Variants in KIAA0586 observed in about 807,000 individuals in gnomAD.
The protein encoded by KIAA0586 is protein TALPID3.
KIAA0586 carries 144 observed loss-of-function variants against 169.8 expected under a neutral mutation model. The observed-to-expected ratio is 0.85, with a 90% CI of 0.74 to 0.97. KIAA0586 has a LOEUF of 0.97. KIAA0586 is among the 50% of genes least tolerant of loss of function. The probability of loss-of-function intolerance (pLI) is 0.00; values close to 1 mark genes in which losing one functional copy is unlikely to be tolerated. For synonymous variants in KIAA0586, 625 were observed against 612.4 expected, an observed-to-expected ratio of 1.02 and a Z score of -0.30; for missense variants, 1,854 against 1,823.0, an observed-to-expected ratio of 1.02 and a Z score of -0.31.
intron 27 of KIAA0586, among the ~76,000 whole-genome samples, chr14:58,504,937 TC>T (rs1361108603): frequency 6.6e-6 from 1 of 152,194 alleles, no homozygotes; most frequent in Admixed American, 6.5e-5. Flanking sequence ...TACTCTCATA[TC>T]CCTGTCACCT....
At chr14:58,521,817 A>G (rs920743539) in intron 29 of KIAA0586, 148 of 830,758 alleles carry the variant, frequency 1.8e-4, no homozygotes, top group Admixed American at 1.0e-4. Flanking sequence ...AGATGAGACT[A>G]ATGTGAAGGT....
At chr14:58,557,901 CTTTTTTTTT>C in the KIAA0586 span, among the ~76,000 whole-genome samples, 364 of 42,528 alleles carry the variant, frequency 8.6e-3, 12 homozygotes, top group Middle Eastern at 0.087. Flanking sequence ...CCTGAGAAAT[CTTTTTTTTT>C]TTTTTTTTTT....
At chr14:58,493,492 A>G (rs1288937100) in intron 26 of KIAA0586, among the ~76,000 whole-genome samples, 1 of 152,182 alleles carries the variant, frequency 6.6e-6, no homozygotes, top group Non-Finnish European at 1.5e-5. Flanking sequence ...TTGTCTTCGC[A>G]TGAACAAATG....
At chr14:58,430,787 A>T in intron 3 of KIAA0586, 70 bp downstream of exon 3, 2 of 841,868 alleles carry the variant, frequency 2.4e-6, no homozygotes, top group Non-Finnish European at 1.9e-6. Flanking sequence ...CTACTTTAAA[A>T]TGTACAGTTC....
At chr14:58,459,715 T>A (rs937231106) in intron 12 of KIAA0586, 128 bp from the exon 13 acceptor site, 3 of 492,978 alleles carry the variant, frequency 6.1e-6, no homozygotes, top group Non-Finnish European at 1.0e-5. Flanking sequence ...ATATCCTTTA[T>A]TTTTAATGCA....
Position 58,506,174 on chromosome 14 carries a change from T to G in KIAA0586, c.4169-2381T>G, listed in dbSNP as rs72718740. ...TCTTTTCTCTTAATTCATTTGCCAC[T>G]CTTAGAAAAATGTTGAACAAGTCAC... On this transcript the variant is annotated intron_variant, in intron 27 of 30. Coordinates refer to ENST00000652326, the MANE Select transcript of KIAA0586 (RefSeq NM_001329943.3). Among the ~76,000 whole-genome samples the G allele has an allele frequency of 5.6e-3, 847 of 152,220 alleles. 4 individuals are homozygous for G. The highest frequency in any genetic ancestry group is 9.6e-3 in the Non-Finnish European group (656 of 68,004).
intron 29 of KIAA0586, among the ~76,000 whole-genome samples, chr14:58,517,678 T>C (rs375404462): frequency 2.0e-5 from 3 of 152,204 alleles, no homozygotes; most frequent in Non-Finnish European, 4.4e-5. Context: ...CTCAAAACTT[T>C]TTTAGCAGTT....
chr14:58,428,366 T>C lies in KIAA0586; in HGVS notation c.102T>C (p.Val34=). The C allele has an allele frequency of 1.2e-6, 2 of 1,614,002 alleles. No homozygotes were observed. The highest frequency in any genetic ancestry group is 8.5e-7 in the Non-Finnish European group (1 of 1,179,884). Residue 34 remains valine, a synonymous_variant, in exon 1 of 31, where the codon GTT becomes GTC. Coordinates refer to ENST00000652326, the MANE Select transcript of KIAA0586 (RefSeq NM_001329943.3). ...VVSQNHGDHL[V]LLKDELPCVP... Reference sequence around the variant, plus strand: ...CTCAAAATCATGGAGATCATTTGGTTTTGCTGAAAGATGAGTTGCCCTGTG... The same window carrying C: ...CTCAAAATCATGGAGATCATTTGGTCTTGCTGAAAGATGAGTTGCCCTGTG...
chr14:58,447,515 C>A (rs1179542823), intron 6 of KIAA0586, among the ~76,000 whole-genome samples: 1 of 150,628 alleles, frequency 6.6e-6, no homozygotes, highest in African/African-American at 2.5e-5. Context: ...GAGTCCTGCT[C>A]TGTCACCCAG....
intron 6 of KIAA0586, among the ~76,000 whole-genome samples, chr14:58,446,888 A>G (rs1247157280): frequency 1.3e-5 from 2 of 152,052 alleles, no homozygotes; most frequent in Non-Finnish European, 2.9e-5. Context: ...TTAAGCCTCA[A>G]TTTCTTTACC....
chr14:58,457,430 G>C (rs1056850029), intron 10 of KIAA0586, among the ~76,000 whole-genome samples: 1 of 152,042 alleles, frequency 6.6e-6, no homozygotes, highest in Admixed American at 6.6e-5. Flanking sequence ...ACCACACCTG[G>C]CTAATTTTTG....
chr14:58,551,382 G>A (rs1177041935), downstream of KIAA0586: 1 of 151,858 alleles, frequency 6.6e-6, no homozygotes, highest in African/African-American at 2.4e-5. Context: ...ATCTTTTATT[G>A]TTTTTCTATT....
Position 58,428,360 on chromosome 14 carries a change from T to C in KIAA0586, c.96T>C (p.His32=). The stretch of plus-strand genomic sequence containing the variant: ...TAGTTTCTCAAAATCATGGAGATCA[T>C]TTGGTTTTGCTGAAAGATGAGTTGC... ...REVVSQNHGD[H]LVLLKDELPC... is the part of the protein sequence containing the mutation. Residue 32 remains histidine (H), a synonymous_variant, in exon 1 of 31, where the codon CAT becomes CAC. Transcript: ENST00000652326. 1 of 1,613,920 alleles carries C rather than the reference T, an allele frequency of 6.2e-7. No homozygotes were observed. Among genetic ancestry groups the C allele is most frequent in the Non-Finnish European group, 8.5e-7 (1 of 1,179,834 alleles).
In KIAA0586 at chr14:58,480,880, C is replaced by G. The variant is rs144813353; in HGVS notation, c.2945-1633C>G. 5.9e-5 allele frequency among the ~76,000 whole-genome samples: 9 copies of G among 152,222 alleles called. No homozygotes were observed. The East Asian group carries it at 1.7e-3, about 29-fold the overall frequency. ...AACAAATTTATGAGAAAATTTTTTT[C>G]CTGGTGAAAATCTGACATTTTACAA... On this transcript the variant is annotated intron_variant, in intron 20 of 30. Coordinates refer to ENST00000652326, the MANE Select transcript of KIAA0586 (RefSeq NM_001329943.3).
chr14:58,544,342 G>A (rs1194486063), intron 30 of KIAA0586, among the ~76,000 whole-genome samples: 2 of 152,212 alleles, frequency 1.3e-5, no homozygotes, highest in East Asian at 1.9e-4. Context: ...GCATATATGT[G>A]TCTTTATGGT....
In KIAA0586 at chr14:58,525,800, A is replaced by G. The variant is rs1376538104; in HGVS notation, c.4429+13173A>G. Among the ~76,000 whole-genome samples the G allele has an allele frequency of 2.0e-5, 3 of 152,200 alleles. No homozygotes were observed. The East Asian group carries it at 5.8e-4, about 29-fold the overall frequency. On this transcript the variant is annotated intron_variant, in intron 29 of 30. Coordinates refer to ENST00000652326, the MANE Select transcript of KIAA0586 (RefSeq NM_001329943.3). Reference sequence around the variant, plus strand: ...CACTGCCACGGAACCCAGCAAGGTAAAGATCCACTGGCTTCAGATTCTCAC... The same window carrying G: ...CACTGCCACGGAACCCAGCAAGGTAGAGATCCACTGGCTTCAGATTCTCAC...
chr14:58,471,010 C>G (rs994284144), intron 17 of KIAA0586, among the ~76,000 whole-genome samples: 2 of 152,058 alleles, frequency 1.3e-5, no homozygotes, highest in Admixed American at 6.6e-5. Flanking sequence ...TGCCACCACG[C>G]CCGGCTAATT....
intron 4 of KIAA0586, among the ~76,000 whole-genome samples, chr14:58,437,358 G>A (rs563176511): frequency 6.6e-6 from 1 of 152,142 alleles, no homozygotes; most frequent in Admixed American, 6.5e-5. Flanking sequence ...CTGGGCATGG[G>A]CAAGGGTTTG....
intron 2 of KIAA0586, among the ~76,000 whole-genome samples, chr14:58,429,814 A>G (rs1418011969): frequency 6.6e-6 from 1 of 152,182 alleles, no homozygotes; most frequent in Admixed American, 6.5e-5. Flanking sequence ...TCATTCTAAC[A>G]CTTGTGAGAA....
Sources: allele counts gnomAD v4.1 joint callset (sites outside exome capture counted in the v4.1 genomes callset), GRCh38; gene constraint gnomAD v4.1.1; transcripts MANE v1.5; gene names NCBI Gene and HGNC (gene_info 2026-07-23, HGNC 2026-07-21).